The following ABCG1 variants were observed in gnomAD, a reference collection of about 807,000 sequenced individuals.
ABCG1 encodes ATP-binding cassette sub-family G member 1.
ABCG1 carries 29 observed loss-of-function variants against 69.2 expected under a neutral mutation model. That is an observed-to-expected ratio of 0.42 (90% confidence interval 0.31 to 0.57). ABCG1 has a LOEUF of 0.57. Among genes scored for constraint, ABCG1 ranks in the 20% least tolerant of loss-of-function variants. The pLI is 0.15. For missense variants in ABCG1, 718 were observed against 898.1 expected (o/e 0.80, Z 2.56); for synonymous variants, 370 against 374.8 (o/e 0.99, Z 0.15).
At position 42,273,127 on chromosome 21, in the gene ABCG1, G is replaced by A. The variant is rs879738812; in HGVS notation, c.405-176G>A. On this transcript the variant is annotated intron_variant, in intron 3 of 14. Transcript: ENST00000398449. This position sits in a 1 kb window ranked among gnomAD's most constrained non-coding sequence, Gnocchi z 5.3. Reference sequence around the variant, plus strand: ...TCTGTGGAATGTCTTCCTCCCGATCGCTGCAGTGCTAGCGAGGTCCGGTCC... The same window carrying A: ...TCTGTGGAATGTCTTCCTCCCGATCACTGCAGTGCTAGCGAGGTCCGGTCC... Among the ~76,000 whole-genome samples, 3 of 152,172 alleles carry A rather than the reference G, an allele frequency of 2.0e-5. No individual in the cohort carries two copies. The highest frequency in any genetic ancestry group is 1.9e-4 in the East Asian group (1 of 5,192).
At chr21:42,293,923 ACACACCACACAGCAGACACCGCC>A (rs1462057233) in intron 13 of ABCG1, among the ~76,000 whole-genome samples, 2 of 146,354 alleles carry the variant, frequency 1.4e-5, no homozygotes, top group Admixed American at 6.9e-5. Context: ...CAGACACCAC[ACACACCACACAGCAGACACCGCC>A]CACACCACAC....
At chr21:42,220,679 G>C (rs1467261779) in intron 1 of ABCG1, among the ~76,000 whole-genome samples, 1 of 152,270 alleles carries the variant, frequency 6.6e-6, no homozygotes, top group Non-Finnish European at 1.5e-5. Context: ...AGAAGAGGCA[G>C]TGAACAAAAC....
At chr21:42,200,668 A>G (rs1569197608) in intron 1 of ABCG1, among the ~76,000 whole-genome samples, 2 of 148,218 alleles carry the variant, frequency 1.3e-5, no homozygotes, top group Admixed American at 6.8e-5. Flanking sequence ...GGCTCACTGC[A>G]CCCTCTGCTT....
intron 1 of ABCG1, among the ~76,000 whole-genome samples, chr21:42,225,244 A>G (rs1443333984): frequency 6.6e-6 from 1 of 152,216 alleles, no homozygotes; most frequent in Non-Finnish European, 1.5e-5. Flanking sequence ...AGAAAGGCAC[A>G]AAACAGCTCA....
At chr21:42,278,882 T>A (rs1455919660) in intron 5 of ABCG1, among the ~76,000 whole-genome samples, 1 of 151,944 alleles carries the variant, frequency 6.6e-6, no homozygotes, top group East Asian at 1.9e-4. Context: ...GAGGTCAGTT[T>A]TGCCACCCCC....
At chr21:42,200,045 C>T (rs1411547594) in intron 1 of ABCG1, among the ~76,000 whole-genome samples, 1 of 152,170 alleles carries the variant, frequency 6.6e-6, no homozygotes, top group African/African-American at 2.4e-5. Context: ...TATTGGTGAG[C>T]TGCCTGGATT....
intron 2 of ABCG1, among the ~76,000 whole-genome samples, chr21:42,254,630 A>G (rs1423476362): frequency 6.6e-6 from 1 of 152,276 alleles, no homozygotes; most frequent in African/African-American, 2.4e-5. Flanking sequence ...CCACATGATC[A>G]CGAAAATGGA....
chr21:42,229,659 G>A (rs567046836), intron 2 of ABCG1, among the ~76,000 whole-genome samples: 1 of 152,290 alleles, frequency 6.6e-6, no homozygotes, highest in East Asian at 1.9e-4. Flanking sequence ...GGCAGAGGTT[G>A]CAGTGAGTCG....
intron 5 of ABCG1, 89 bp from the exon 6 acceptor site, chr21:42,282,185 G>A: frequency 6.5e-7 from 1 of 1,531,734 alleles, no homozygotes; most frequent in Non-Finnish European, 8.8e-7. Flanking sequence ...AGCAGGCTGA[G>A]GGCGGCTGGC....
At chr21:42,204,602 G>A (rs2067529394) in intron 2 of ABCG1, among the ~76,000 whole-genome samples, 2 of 152,076 alleles carry the variant, frequency 1.3e-5, no homozygotes, top group Admixed American at 1.3e-4. Flanking sequence ...CTTGAATGTG[G>A]TATATAATTT....
Position 42,287,897 on chromosome 21 carries a change from G to A in ABCG1, c.982G>A (p.Val328Ile), listed in dbSNP as rs1241451500. 14 of 1,585,596 alleles carry A rather than the reference G, an allele frequency of 8.8e-6. No individual in the cohort carries two copies. The highest frequency in any genetic ancestry group is 1.8e-5 in the Admixed American group (1 of 56,386). ...GTCTGTGTCTCCTGCAGTCATGGAGGTTGCATCCGGCGAGTACGGTGATCA... is the reference window on the plus strand; with the variant it reads ...GTCTGTGTCTCCTGCAGTCATGGAGATTGCATCCGGCGAGTACGGTGATCA... ...YHNPADFVME[V>I]ASGEYGDQNS... The change falls in exon 9 of 15, where the codon GTT becomes ATT. Residue 328 changes from valine to isoleucine, a missense_variant. Coordinates refer to ENST00000398449, the MANE Select transcript of ABCG1 (RefSeq NM_016818.3). The surrounding 1 kb of genome is among the most constrained non-coding windows in gnomAD (Gnocchi z 6.2).
chr21:42,268,388 T>TGTGC (rs57264459), intron 2 of ABCG1, among the ~76,000 whole-genome samples: 10 of 110,180 alleles, frequency 9.1e-5, no homozygotes, highest in Middle Eastern at 4.5e-3. Flanking sequence ...TGTGTGTGTG[T>TGTGC]GCGCGCGCGC....
chr21:42,216,224 C>A, upstream of ABCG1: 1 of 428,362 alleles, frequency 2.3e-6, no homozygotes, highest in Non-Finnish European at 4.7e-6. Context: ...TGTAAATTGC[C>A]CAGTCTCAGG....
At chr21:42,260,104 A>G (rs753882851) in intron 2 of ABCG1, 41 of 1,550,410 alleles carry the variant, frequency 2.6e-5, no homozygotes, top group Non-Finnish European at 3.1e-5. Context: ...GGAAGGGCCT[A>G]TGGTTGGGGG....
chr21:42,294,565 G>A lies in ABCG1; in HGVS notation c.1677G>A (p.Val559=), dbSNP rs2069166485. Residue 559 remains valine, a synonymous_variant, in exon 14 of 15, where the codon GTG becomes GTA. Coordinates refer to ENST00000398449, the MANE Select transcript of ABCG1 (RefSeq NM_016818.3). ...SLQVATFVGP[V]TAIPVLLFSG... ...AGGTGGCCACTTTCGTGGGCCCAGT[G>A]ACAGCCATCCCGGTGCTCCTGTTCT... 6.2e-7 allele frequency: 1 copy of A among 1,614,148 alleles called. No homozygotes were observed. Among genetic ancestry groups the A allele is most frequent in the Non-Finnish European group, 8.5e-7 (1 of 1,179,992 alleles).
At chr21:42,257,545 A>G (rs1182105363) in intron 2 of ABCG1, among the ~76,000 whole-genome samples, 2 of 152,224 alleles carry the variant, frequency 1.3e-5, no homozygotes, top group African/African-American at 4.8e-5. Context: ...TTGCTGAGAC[A>G]GCTGTGTAGG....
At chr21:42,200,864 C>T (rs2067501150) in intron 1 of ABCG1, among the ~76,000 whole-genome samples, 1 of 152,154 alleles carries the variant, frequency 6.6e-6, no homozygotes, top group African/African-American at 2.4e-5. Flanking sequence ...GCTAGGATTA[C>T]AGGCATGAAC....
intron 2 of ABCG1, chr21:42,256,678 A>T: frequency 6.9e-7 from 1 of 1,446,670 alleles, no homozygotes; most frequent in East Asian, 2.5e-5. Context: ...CTCCTCCCAG[A>T]GACTGATGGC....
Position 42,291,057 on chromosome 21 carries a change from C to A in ABCG1, c.1394-35C>A. 1 of 1,537,492 alleles carries A rather than the reference C, an allele frequency of 6.5e-7. No individual in the cohort carries two copies. Among genetic ancestry groups the A allele is most frequent in the South Asian group, 1.1e-5 (1 of 88,798 alleles). Reference sequence around the variant, plus strand: ...GTTAAACGGGCTCGCTGCACATGGTCACTGACCCTTCTTTTTTGCTTTTCT... The same window carrying A: ...GTTAAACGGGCTCGCTGCACATGGTAACTGACCCTTCTTTTTTGCTTTTCT... On this transcript the variant is annotated intron_variant, in intron 11 of 14. Coordinates refer to ENST00000398449, the MANE Select transcript of ABCG1 (RefSeq NM_016818.3). The surrounding 1 kb of genome is among the most constrained non-coding windows in gnomAD (Gnocchi z 6.4).
Sources: gnomAD v4.1 joint callset for allele counts (sites outside exome capture counted in the v4.1 genomes callset) on GRCh38, gnomAD v4.1.1 for gene constraint, Gnocchi (gnomAD v3.1) non-coding constraint, MANE v1.5 for transcripts, NCBI Gene and HGNC (gene_info 2026-07-23, HGNC 2026-07-21) for gene names.